The following FZD3 variants were observed in gnomAD, a reference collection of about 807,000 sequenced individuals.
The protein encoded by FZD3 is frizzled class receptor 3.
A neutral mutation model predicts 60.7 loss-of-function variants in FZD3; 30 were observed. The ratio of observed to expected loss-of-function variants is 0.49; its 90% confidence interval spans 0.37 to 0.67. FZD3 has a LOEUF of 0.67. Ranked by LOEUF, FZD3 falls within the 30% of genes least tolerant of loss-of-function variation. FZD3 has a pLI of 0.00. For missense variants in FZD3, 605 were observed against 838.7 expected (o/e 0.72, Z 3.44); for synonymous variants, 246 against 275.2 (o/e 0.89, Z 1.05).
chr8:28,534,494 A>G (rs1804960498), intron 5 of FZD3, among the ~76,000 whole-genome samples: 1 of 152,190 alleles, frequency 6.6e-6, no homozygotes, highest in African/African-American at 2.4e-5. Context: ...TCAAGGCTTC[A>G]GAGAGCTGTG....
At chr8:28,557,176 T>TC (rs1413356855) in intron 7 of FZD3, among the ~76,000 whole-genome samples, 1 of 143,072 alleles carries the variant, frequency 7.0e-6, no homozygotes, top group Non-Finnish European at 1.5e-5. Context: ...GCCACTGCAC[T>TC]CCAGCCTGGG....
chr8:28,563,087 G>A lies in FZD3; in HGVS notation c.*76G>A. ...TTCTTTGCCTTTTGCATGACTGATA[G>A]CTGTAACTCACAGTTAACATGCTTT... On this transcript the variant is annotated 3_prime_UTR_variant, in exon 8 of 8. Coordinates refer to ENST00000240093, the MANE Select transcript of FZD3 (RefSeq NM_017412.4). The A allele has an allele frequency of 1.1e-6, 1 of 920,602 alleles. No individual in the cohort carries two copies. Among genetic ancestry groups the A allele is most frequent in the Non-Finnish European group, 1.8e-6 (1 of 554,290 alleles). The allele number at this position is 920,602 out of a possible 1,614,324, so 57.0% of individuals were successfully genotyped here. A position where few individuals can be genotyped will look rare whatever the true frequency, so the allele number is the denominator to read the frequency against.
chr8:28,528,907 A>G (rs1442858340), intron 5 of FZD3, among the ~76,000 whole-genome samples: 1 of 152,074 alleles, frequency 6.6e-6, no homozygotes, highest in Admixed American at 6.6e-5. Flanking sequence ...TGTTCCTACT[A>G]TTACCCTACC....
intron 5 of FZD3, among the ~76,000 whole-genome samples, chr8:28,548,061 C>A (rs916987462): frequency 1.3e-5 from 2 of 152,060 alleles, no homozygotes; most frequent in Admixed American, 1.3e-4. Context: ...CCATATTGGT[C>A]AGGCTGGTCT....
intron 4 of FZD3, among the ~76,000 whole-genome samples, chr8:28,524,795 G>T (rs1019219285): frequency 2.0e-5 from 3 of 152,142 alleles, no homozygotes; most frequent in Non-Finnish European, 4.4e-5. Context: ...TCCAGCAGCT[G>T]TTGAAAATCC....
chr8:28,521,146 G>A lies in FZD3; in HGVS notation c.386+312G>A, dbSNP rs559231105. Among the ~76,000 whole-genome samples the A allele has an allele frequency of 1.4e-4, 22 of 152,042 alleles. No individual in the cohort carries two copies. The East Asian group carries it at 3.1e-3, about 21-fold the overall frequency. ...TAGTGCTATTTGTGAAAAATTATACGGAGAAGAAAACCATTTATTACCTCA... is the reference window on the plus strand; with the variant it reads ...TAGTGCTATTTGTGAAAAATTATACAGAGAAGAAAACCATTTATTACCTCA... On this transcript the variant is annotated intron_variant, in intron 4 of 7. Coordinates refer to ENST00000240093, the MANE Select transcript of FZD3 (RefSeq NM_017412.4).
At position 28,566,638 on chromosome 8, in the gene FZD3, T is replaced by G. The variant is rs887936886; in HGVS notation, c.*3627T>G. The G allele has an allele frequency of 2.2e-4, 34 of 152,188 alleles. No individual in the cohort carries two copies. The highest frequency in any genetic ancestry group is 2.1e-3 in the Admixed American group (32 of 15,276). The allele number at this position is 152,188 out of a possible 1,614,324, so 9.4% of individuals were successfully genotyped here. ...AATGAAAGGAACCACTTAATTTTTT[T>G]TATATAAATTAGTGAATCATTTGCT... On this transcript the variant is annotated 3_prime_UTR_variant, in exon 8 of 8. Coordinates refer to ENST00000240093, the MANE Select transcript of FZD3 (RefSeq NM_017412.4).
chr8:28,501,335 T>C (rs1219808494), intron 2 of FZD3, among the ~76,000 whole-genome samples: 1 of 152,206 alleles, frequency 6.6e-6, no homozygotes, highest in Non-Finnish European at 1.5e-5. Flanking sequence ...TAACTGAAGC[T>C]TGGGACATGG....
rs1554539571 is a variant in FZD3 at position 28,550,437 on chromosome 8, GTT to G, written c.1405-1154_1405-1153del. 9.0e-3 allele frequency among the ~76,000 whole-genome samples: 715 copies of G among 79,568 alleles called. 21 individuals carry two copies. The East Asian group carries it at 0.13, about 15-fold the overall frequency. The allele number at this position is 79,568 out of a possible 152,430, so 52.2% of individuals were successfully genotyped here. A position where few individuals can be genotyped will look rare whatever the true frequency, so the allele number is the denominator to read the frequency against. On this transcript the variant is annotated intron_variant, in intron 5 of 7. Transcript: ENST00000240093. ...CCAACTTTGGGTTATTAGTTCTGCT[GTT>G]TTTTTTTTTTTGTCTTACAAATACT... is the stretch of plus-strand genomic sequence containing the variant.
intron 2 of FZD3, among the ~76,000 whole-genome samples, chr8:28,500,301 T>C (rs986426510): frequency 1.3e-5 from 2 of 152,184 alleles, no homozygotes; most frequent in African/African-American, 2.4e-5. Flanking sequence ...GGTAGGATGC[T>C]TTACTTGCAA....
In FZD3 at chr8:28,562,306, AT is replaced by A. The variant is rs796639020; in HGVS notation, c.1788-481del. Reference sequence around the variant, plus strand: ...GTCATCATTGCTTGCCAGTTTATTCATTTTTTTTTTTAGGTTACTCCAATTT... The same window carrying A: ...GTCATCATTGCTTGCCAGTTTATTCATTTTTTTTTTAGGTTACTCCAATTT... On this transcript the variant is annotated intron_variant, in intron 7 of 7. Transcript: ENST00000240093. 9.0e-4 allele frequency among the ~76,000 whole-genome samples: 131 copies of A among 146,176 alleles called. 1 individual carries two copies. The highest frequency in any genetic ancestry group is 1.3e-3 in the Admixed American group (19 of 14,622).
At position 28,555,252 on chromosome 8, in the gene FZD3, A is replaced by G. The variant is rs555246032; in HGVS notation, c.1554-486A>G. On this transcript the variant is annotated intron_variant, in intron 6 of 7. Coordinates refer to ENST00000240093, the MANE Select transcript of FZD3 (RefSeq NM_017412.4). ...AACTGCTCTTACAACTTAAAAAAAT[A>G]TTGTATCCATGCTACAGTGAAGCCT... Among the ~76,000 whole-genome samples, 3 of 152,344 alleles carry G rather than the reference A, an allele frequency of 2.0e-5. No individual in the cohort carries two copies. The South Asian group carries it at 6.2e-4, about 32-fold the overall frequency.
At position 28,528,089 on chromosome 8, in the gene FZD3, A is replaced by G. The variant is rs1471251352; in HGVS notation, c.1329A>G (p.Gln443=). 3.7e-6 allele frequency: 6 copies of G among 1,613,982 alleles called. No homozygotes were observed. The highest frequency in any genetic ancestry group is 1.1e-5 in the South Asian group (1 of 91,074). Residue 443 remains glutamine (Q), a synonymous_variant, in exon 5 of 8, where the codon CAA becomes CAG. Transcript: ENST00000240093. ...TAATTGGATGCTACTTTTATGAGCA[A>G]GCTTACCGGGGCATCTGGGAAACAA... ...LVVIGCYFYE[Q]AYRGIWETTW...
chr8:28,532,725 T>C (rs1036214242), intron 5 of FZD3, among the ~76,000 whole-genome samples: 33 of 152,320 alleles, frequency 2.2e-4, no homozygotes, highest in African/African-American at 7.9e-4. Flanking sequence ...ATTTATTTTG[T>C]GTATTGGTTT....
chr8:28,506,034 A>C (rs550815827), intron 3 of FZD3, among the ~76,000 whole-genome samples: 34 of 152,344 alleles, frequency 2.2e-4, no homozygotes, highest in Admixed American at 5.2e-4. Flanking sequence ...TTGATAGGAA[A>C]AAAATGCTCA....
intron 5 of FZD3, among the ~76,000 whole-genome samples, chr8:28,529,313 A>G (rs77017785): frequency 0.013 from 1,916 of 152,252 alleles, 46 homozygotes; most frequent in African/African-American, 0.044. Context: ...ATAAAAGTGC[A>G]CCAGCCACCT....
intron 6 of FZD3, among the ~76,000 whole-genome samples, chr8:28,552,462 T>C (rs1805430549): frequency 6.6e-6 from 1 of 152,168 alleles, no homozygotes; most frequent in South Asian, 2.1e-4. Context: ...ACCCTTCAGT[T>C]TTCACAGTGG....
At chr8:28,503,612 ATTATT>A (rs906347556) in intron 3 of FZD3, among the ~76,000 whole-genome samples, 2 of 152,200 alleles carry the variant, frequency 1.3e-5, no homozygotes, top group Non-Finnish European at 2.9e-5. Context: ...ACATTTCTTA[ATTATT>A]TTAGTTTAGA....
intron 3 of FZD3, among the ~76,000 whole-genome samples, chr8:28,511,684 A>G (rs917535248): frequency 1.3e-5 from 2 of 152,080 alleles, no homozygotes; most frequent in Admixed American, 6.6e-5. Context: ...CGTGGTGTGG[A>G]TGTTATTTCC....
Sources: allele counts gnomAD v4.1 joint callset (sites outside exome capture counted in the v4.1 genomes callset), GRCh38; gene constraint gnomAD v4.1.1; transcripts MANE v1.5; gene names NCBI Gene and HGNC (gene_info 2026-07-23, HGNC 2026-07-21).